The following LAG3 variants were observed in gnomAD, a reference collection of about 807,000 sequenced individuals.
LAG3 encodes the protein lymphocyte activating 3, also known as lymphocyte activation gene 3 protein.
In LAG3, 29 loss-of-function variants were observed where a neutral mutation model predicts 49.0. The ratio of observed to expected loss-of-function variants is 0.59; its 90% CI spans 0.44 to 0.81. The LOEUF is 0.81. Among genes scored for constraint, LAG3 ranks in the 30% least tolerant of loss-of-function variants. LAG3 has a pLI of 0.00. For missense variants in LAG3, 693 were observed against 695.2 expected (o/e 1.00, Z 0.04); for synonymous variants, 320 against 297.3 (o/e 1.08, Z -0.79).
Position 6,773,659 on chromosome 12 carries a change from C to A in LAG3, c.207-38C>A. The A allele has an allele frequency of 1.5e-6, 2 of 1,365,026 alleles. No homozygotes were observed. The highest frequency in any genetic ancestry group is 5.4e-4 in the Middle Eastern group (2 of 3,676). The allele number at this position is 1,365,026 out of a possible 1,614,324, so 84.6% of individuals were successfully genotyped here. A position where few individuals can be genotyped will look rare whatever the true frequency, so the allele number is the denominator to read the frequency against. ...GCCTGCATCCTCCCGGGCTTCCTACCCCTGGAGCTTCTCAACTCCATTCTC... is the reference window on the plus strand; with the variant it reads ...GCCTGCATCCTCCCGGGCTTCCTACACCTGGAGCTTCTCAACTCCATTCTC... On this transcript the variant is annotated intron_variant, in intron 2 of 7. Coordinates refer to ENST00000203629, the MANE Select transcript of LAG3 (RefSeq NM_002286.6). The surrounding 1 kb of genome is among the most constrained non-coding windows in gnomAD (Gnocchi z 5.5).
chr12:6,775,123 GCCTC>G (rs1406986435), intron 4 of LAG3, 146 bp from the exon 5 acceptor site: 8 of 997,588 alleles, frequency 8.0e-6, no homozygotes, highest in East Asian at 2.4e-5. Context: ...GGGTTTCTGA[GCCTC>G]CTCAGCTCAT....
Position 6,773,006 on chromosome 12 carries a change from T to G in LAG3, c.58+96T>G, listed in dbSNP as rs1592495010. 7.0e-7 allele frequency: 1 copy of G among 1,435,404 alleles called. No individual in the cohort carries two copies. Among genetic ancestry groups the G allele is most frequent in the Non-Finnish European group, 9.8e-7 (1 of 1,024,120 alleles). 88.9% of individuals were successfully genotyped at this position (1,435,404 alleles called of 1,614,324 possible). A position where few individuals can be genotyped will look rare whatever the true frequency, so the allele number is the denominator to read the frequency against. ...ACAAAGGTCCTGAGGTCCTTAGCTCTGTGGATTCTTCTAATCCCTTTTTTG... is the reference window on the plus strand; with the variant it reads ...ACAAAGGTCCTGAGGTCCTTAGCTCGGTGGATTCTTCTAATCCCTTTTTTG... On this transcript the variant is annotated intron_variant, in intron 1 of 7. Coordinates refer to ENST00000203629, the MANE Select transcript of LAG3 (RefSeq NM_002286.6). The surrounding 1 kb of genome is among the most constrained non-coding windows in gnomAD (Gnocchi z 5.5).
At chr12:6,775,641 C>A in intron 5 of LAG3, 93 bp downstream of exon 5, 1 of 1,280,528 alleles carries the variant, frequency 7.8e-7, no homozygotes, top group African/African-American at 1.5e-5. Flanking sequence ...CAAACCCACC[C>A]TGTGATGCCA....
In LAG3 at chr12:6,778,333, GCCGGAGCCGGAGCCGGAA is replaced by G. The variant is rs1334032370; in HGVS notation, c.1530_1547del (p.Glu515_Pro520del). 3 of 1,612,892 alleles carry G rather than the reference GCCGGAGCCGGAGCCGGAA, an allele frequency of 1.9e-6. No individual in the cohort carries two copies. The highest frequency in any genetic ancestry group is 1.7e-5 in the Admixed American group (1 of 59,990). On this transcript the variant is annotated inframe_deletion, in exon 8 of 8. Transcript: ENST00000203629. ...TAGAGGAGCTGGAGCAAGAACCGGAGCCGGAGCCGGAGCCGGAACCGGAGCCCGAGCCCGAGCCCGAGC... is the reference window on the plus strand; with the variant it reads ...TAGAGGAGCTGGAGCAAGAACCGGAGCCGGAGCCCGAGCCCGAGCCCGAGC...
chr12:6,773,677 C>G lies in LAG3; in HGVS notation c.207-20C>G. 2 of 1,366,150 alleles carry G rather than the reference C, an allele frequency of 1.5e-6. No homozygotes were observed. Among genetic ancestry groups the G allele is most frequent in the South Asian group, 1.9e-5 (1 of 51,502 alleles). 84.6% of individuals were successfully genotyped at this position (1,366,150 alleles called of 1,614,324 possible). A position where few individuals can be genotyped will look rare whatever the true frequency, so the allele number is the denominator to read the frequency against. On this transcript the variant is annotated intron_variant, in intron 2 of 7. Coordinates refer to ENST00000203629, the MANE Select transcript of LAG3 (RefSeq NM_002286.6). The surrounding 1 kb of genome is among the most constrained non-coding windows in gnomAD (Gnocchi z 5.5). ...TTCCTACCCCTGGAGCTTCTCAACT[C>G]CATTCTCTTTCCCGCCCAGTGGCCC...
rs1941871454 is a variant in LAG3 at position 6,773,808 on chromosome 12, C to T, written c.318C>T (p.Pro106=). ...PRRYTVLSVG[P]GGLRSGRLPL... ...GCTACACGGTGCTGAGCGTGGGTCCCGGAGGCCTGCGCAGCGGGAGGCTGC... is the reference window on the plus strand; with the variant it reads ...GCTACACGGTGCTGAGCGTGGGTCCTGGAGGCCTGCGCAGCGGGAGGCTGC... Residue 106 remains proline (P), a synonymous_variant, in exon 3 of 8, where the codon CCC becomes CCT. Coordinates refer to ENST00000203629, the MANE Select transcript of LAG3 (RefSeq NM_002286.6). The surrounding 1 kb of genome is among the most constrained non-coding windows in gnomAD (Gnocchi z 5.5). 1 of 1,400,240 alleles carries T rather than the reference C, an allele frequency of 7.1e-7. No individual in the cohort carries two copies. The highest frequency in any genetic ancestry group is 9.2e-7 in the Non-Finnish European group (1 of 1,082,788). 86.7% of individuals were successfully genotyped at this position (1,400,240 alleles called of 1,614,324 possible).
Position 6,773,578 on chromosome 12 carries a change from C to T in LAG3, c.207-119C>T, listed in dbSNP as rs1941867487. The T allele has an allele frequency of 4.0e-6, 5 of 1,237,322 alleles. No homozygotes were observed. The highest frequency in any genetic ancestry group is 5.2e-6 in the Non-Finnish European group (5 of 953,892). 76.6% of individuals were successfully genotyped at this position (1,237,322 alleles called of 1,614,324 possible). ...AACAGAGGGGTCGGGCGTGAGGGGA[C>T]GGTTGGTGGTCAAGAGAACTCTTGG... On this transcript the variant is annotated intron_variant, in intron 2 of 7. Coordinates refer to ENST00000203629, the MANE Select transcript of LAG3 (RefSeq NM_002286.6). This position sits in a 1 kb window ranked among gnomAD's most constrained non-coding sequence, Gnocchi z 5.5.
Position 6,773,265 on chromosome 12 carries a change from C to G in LAG3, c.132C>G (p.Cys44Trp), listed in dbSNP as rs1941863286. The change falls in exon 2 of 8, where the codon TGC (cysteine) becomes TGG (tryptophan). Residue 44 changes from cysteine (C) to tryptophan (W), a missense_variant. Transcript: ENST00000203629. This position sits in a 1 kb window ranked among gnomAD's most constrained non-coding sequence, Gnocchi z 5.5. ...AQEGAPAQLP[C>W]SPTIPLQDLS... ...AGGGGGCTCCTGCCCAGCTCCCCTG[C>G]AGCCCCACAATCCCCCTCCAGGATC... is the stretch of plus-strand genomic sequence containing the variant. 6.2e-7 allele frequency: 1 copy of G among 1,613,368 alleles called. No individual in the cohort carries two copies. Among genetic ancestry groups the G allele is most frequent in the Non-Finnish European group, 8.5e-7 (1 of 1,179,754 alleles).
intron 4 of LAG3, among the ~76,000 whole-genome samples, 164 bp from the exon 5 acceptor site, chr12:6,775,101 AGCCCACTT>A (rs1331692722): frequency 6.6e-6 from 1 of 152,074 alleles, no homozygotes; most frequent in African/African-American, 2.4e-5. Context: ...CTTCCGGCTA[AGCCCACTT>A]GCTGGGTTTC....
chr12:6,773,934 C>T lies in LAG3; in HGVS notation c.444C>T (p.Arg148=). The T allele has an allele frequency of 2.1e-6, 3 of 1,403,930 alleles. No homozygotes were observed. The highest frequency in any genetic ancestry group is 1.5e-5 in the South Asian group (1 of 65,546). 87.0% of individuals were successfully genotyped at this position (1,403,930 alleles called of 1,614,324 possible). A position where few individuals can be genotyped will look rare whatever the true frequency, so the allele number is the denominator to read the frequency against. Residue 148 remains arginine (R), a synonymous_variant, in exon 3 of 8, where the codon CGC becomes CGT. Coordinates refer to ENST00000203629, the MANE Select transcript of LAG3 (RefSeq NM_002286.6). This position sits in a 1 kb window ranked among gnomAD's most constrained non-coding sequence, Gnocchi z 5.5. ...GGCGCGCGGACGCCGGCGAGTACCG[C>T]GCCGCGGTGCACCTCAGGGACCGCG... ...PARRADAGEY[R]AAVHLRDRAL... is the part of the protein sequence containing the mutation.
chr12:6,773,105 T>C lies in LAG3; in HGVS notation c.59-87T>C. 1 of 1,498,940 alleles carries C rather than the reference T, an allele frequency of 6.7e-7. No individual in the cohort carries two copies. The highest frequency in any genetic ancestry group is 1.3e-5 in the South Asian group (1 of 78,512). The allele number at this position is 1,498,940 out of a possible 1,614,324, so 92.9% of individuals were successfully genotyped here. On this transcript the variant is annotated intron_variant, in intron 1 of 7. Transcript: ENST00000203629. The surrounding 1 kb of genome is among the most constrained non-coding windows in gnomAD (Gnocchi z 5.5). ...ACCCAAGTTCTTCCTGCACCCTGTT[T>C]CTCCCTCGGGAAACACCCAGGCTCC... is the stretch of plus-strand genomic sequence containing the variant.
intron 7 of LAG3, 86 bp downstream of exon 7, chr12:6,778,007 G>A: frequency 6.3e-7 from 1 of 1,594,030 alleles, no homozygotes; most frequent in Non-Finnish European, 8.5e-7. Flanking sequence ...TCCTCAGGAA[G>A]GTGACCAAAT....
chr12:6,773,455 G>A lies in LAG3; in HGVS notation c.206+116G>A. The A allele has an allele frequency of 7.6e-7, 1 of 1,310,768 alleles. No homozygotes were observed. The highest frequency in any genetic ancestry group is 1.1e-6 in the Non-Finnish European group (1 of 951,536). 81.2% of individuals were successfully genotyped at this position (1,310,768 alleles called of 1,614,324 possible). On this transcript the variant is annotated intron_variant, in intron 2 of 7. Transcript: ENST00000203629. This position sits in a 1 kb window ranked among gnomAD's most constrained non-coding sequence, Gnocchi z 5.5. ...CACTCCCTCTGAAGCCAGTGACCCA[G>A]TCTCCCTGCCCTCGCTTGCACCGTT...
In LAG3 at chr12:6,774,693, C is replaced by T. The variant is rs1365959018; in HGVS notation, c.610C>T (p.Arg204Trp). 4 of 1,614,034 alleles carry T rather than the reference C, an allele frequency of 2.5e-6. No homozygotes were observed. The highest frequency in any genetic ancestry group is 2.2e-5 in the East Asian group (1 of 44,894). ...PDRPASVHWF[R>W]NRGQGRVPVR... ...CCGCCCAGCCTCTGTGCATTGGTTC[C>T]GGAACCGGGGCCAGGGCCGAGTCCC... is the stretch of plus-strand genomic sequence containing the variant. The change falls in exon 4 of 8, where the codon CGG becomes TGG. Residue 204 changes from arginine to tryptophan, a missense_variant. By Grantham distance (101) the Arg-to-Trp change is moderately radical. Transcript: ENST00000203629.
chr12:6,778,329 C>CGGAGCA lies in LAG3; in HGVS notation c.1522_1523insAGGAGC (p.Glu507_Pro508insGlnGlu). On this transcript the variant is annotated inframe_insertion, in exon 8 of 8. Coordinates refer to ENST00000203629, the MANE Select transcript of LAG3 (RefSeq NM_002286.6). ...AAGATAGAGGAGCTGGAGCAAGAAC[C>CGGAGCA]GGAGCCGGAGCCGGAGCCGGAACCG... 6.2e-7 allele frequency: 1 copy of CGGAGCA among 1,612,784 alleles called. No homozygotes were observed. The highest frequency in any genetic ancestry group is 8.5e-7 in the Non-Finnish European group (1 of 1,179,638).
rs778667449 is a variant in LAG3 at position 6,774,815 on chromosome 12, C to T, written c.732C>T (p.Thr244=). The change falls in exon 4 of 8, where the codon ACC becomes ACT. Residue 244 remains threonine, a synonymous_variant. Coordinates refer to ENST00000203629, the MANE Select transcript of LAG3 (RefSeq NM_002286.6). ...CTGGGCCCTGGGGCTGCATCCTCACCTACAGAGATGGCTTCAACGTCTCCA... is the reference window on the plus strand; with the variant it reads ...CTGGGCCCTGGGGCTGCATCCTCACTTACAGAGATGGCTTCAACGTCTCCA... The part of the protein sequence containing the change: ...MDSGPWGCIL[T]YRDGFNVSIM... 1.1e-5 allele frequency: 17 copies of T among 1,614,138 alleles called. No individual in the cohort carries two copies. The Admixed American group carries it at 2.5e-4, about 24-fold the overall frequency.
chr12:6,776,583 T>C (rs1390411914), intron 5 of LAG3, among the ~76,000 whole-genome samples: 2 of 152,148 alleles, frequency 1.3e-5, no homozygotes, highest in African/African-American at 4.8e-5. Flanking sequence ...TCACCCTTTG[T>C]CTCCTCCCAC....
chr12:6,773,892 A>C lies in LAG3; in HGVS notation c.402A>C (p.Leu134=). 7.2e-7 allele frequency: 1 copy of C among 1,394,314 alleles called. No individual in the cohort carries two copies. Among genetic ancestry groups the C allele is most frequent in the South Asian group, 1.6e-5 (1 of 63,810 alleles). 86.4% of individuals were successfully genotyped at this position (1,394,314 alleles called of 1,614,324 possible). A position where few individuals can be genotyped will look rare whatever the true frequency, so the allele number is the denominator to read the frequency against. Residue 134 remains leucine, a synonymous_variant, in exon 3 of 8, where the codon CTA becomes CTC. Coordinates refer to ENST00000203629, the MANE Select transcript of LAG3 (RefSeq NM_002286.6). This position sits in a 1 kb window ranked among gnomAD's most constrained non-coding sequence, Gnocchi z 5.5. ...ERGRQRGDFS[L]WLRPARRADA... ...GCCGGCAGCGCGGGGACTTCTCGCT[A>C]TGGCTGCGCCCAGCCCGGCGCGCGG... is the stretch of plus-strand genomic sequence containing the variant.
At chr12:6,774,915 C>T in intron 4 of LAG3, 51 bp downstream of exon 4, 1 of 1,549,752 alleles carries the variant, frequency 6.5e-7, no homozygotes, top group Non-Finnish European at 8.8e-7. Flanking sequence ...TCCTGCCCCC[C>T]TTGTCACCTC....
Sources: allele counts gnomAD v4.1 joint callset (sites outside exome capture counted in the v4.1 genomes callset), GRCh38; gene constraint gnomAD v4.1.1; non-coding constraint Gnocchi (gnomAD v3.1); transcripts MANE v1.5; gene names NCBI Gene and HGNC (gene_info 2026-07-23, HGNC 2026-07-21).